ZNF71: variants seen among roughly 807,000 people sequenced by gnomAD.
ZNF71 encodes the protein endothelial zinc finger protein induced by tumor necrosis factor alpha.
A neutral mutation model predicts 6.7 loss-of-function variants in ZNF71; 3 were observed. That is an observed-to-expected ratio of 0.45 (90% CI 0.20 to 1.16). ZNF71 has a LOEUF of 1.16. Ranked by LOEUF, ZNF71 falls within the 50% of genes most tolerant of loss-of-function variation. ZNF71 has a pLI of 0.25. For synonymous variants in ZNF71, 343 were observed against 311.1 expected, an observed-to-expected ratio of 1.10 and a Z score of -1.08; for missense variants, 688 against 728.6, an observed-to-expected ratio of 0.94 and a Z score of 0.64.
chr19:56,595,643 T>C (rs2044614073), intron 1 of ZNF71, among the ~76,000 whole-genome samples: 1 of 151,812 alleles, frequency 6.6e-6, no homozygotes, highest in South Asian at 2.1e-4. Context: ...GGTAGGAAAG[T>C]TGCATGAACA....
chr19:56,616,449 C>T (rs2044791835), intron 3 of ZNF71, among the ~76,000 whole-genome samples: 1 of 152,154 alleles, frequency 6.6e-6, no homozygotes, highest in Admixed American at 6.5e-5. Flanking sequence ...ATGACTTGTG[C>T]CCAGTCTAGA....
At chr19:56,599,895 G>GTGTTAGCCAGGA (rs1305033588) in intron 1 of ZNF71, among the ~76,000 whole-genome samples, 2 of 151,340 alleles carry the variant, frequency 1.3e-5, no homozygotes, top group Non-Finnish European at 3.0e-5. Flanking sequence ...GGGTTTCACC[G>GTGTTAGCCAGGA]TGGTCTTGAT....
rs1475117239 is a variant in ZNF71 at position 56,621,416 on chromosome 19, C to G, written c.309C>G (p.Ser103Arg). The G allele has an allele frequency of 6.2e-7, 1 of 1,613,142 alleles. No individual in the cohort carries two copies. Among genetic ancestry groups the G allele is most frequent in the Admixed American group, 1.7e-5 (1 of 59,938 alleles). ...PGSEGVWEPG[S>R]WPERPRGDAG... The stretch of plus-strand genomic sequence containing the variant: ...CAGAAGGAGTGTGGGAACCAGGCAG[C>G]TGGCCAGAGAGGCCGCGGGGAGATG... The change falls in exon 4 of 4, where the codon AGC becomes AGG. Residue 103 changes from serine (S) to arginine (R), a missense_variant. Transcript: ENST00000599599.
In ZNF71 at chr19:56,595,365, T is replaced by C. The variant is rs898559594; in HGVS notation, c.-116T>C. ...CGGGGTCGCGCCCACCCTCTACCTGTGCCGGGGGCCGGAACCTGGCCCCGG... is the reference window on the plus strand; with the variant it reads ...CGGGGTCGCGCCCACCCTCTACCTGCGCCGGGGGCCGGAACCTGGCCCCGG... On this transcript the variant is annotated 5_prime_UTR_variant, in exon 1 of 4. Coordinates refer to ENST00000599599, the MANE Select transcript of ZNF71 (RefSeq NM_001370215.1). The C allele has an allele frequency of 6.5e-6, 1 of 153,050 alleles. No individual in the cohort carries two copies. Among genetic ancestry groups the C allele is most frequent in the Non-Finnish European group, 1.5e-5 (1 of 68,722 alleles). 9.5% of individuals were successfully genotyped at this position (153,050 alleles called of 1,614,324 possible).
intron 3 of ZNF71, among the ~76,000 whole-genome samples, chr19:56,616,689 G>A (rs2044794239): frequency 6.6e-6 from 1 of 152,168 alleles, no homozygotes; most frequent in African/African-American, 2.4e-5. Flanking sequence ...CAGGTCTTCA[G>A]AACACTGTGC....
In ZNF71 at chr19:56,600,155, G is replaced by T. The variant is rs555260086; in HGVS notation, c.-52-1352G>T. 2.1e-5 allele frequency among the ~76,000 whole-genome samples: 3 copies of T among 142,956 alleles called. No individual in the cohort carries two copies. In the South Asian group the frequency reaches 6.5e-4, roughly 31 times the overall value. 93.8% of individuals were successfully genotyped at this position (142,956 alleles called of 152,430 possible). ...TCTGTTGCCAGGCTGGAGTGCAGTG[G>T]TGCAATCTTGGCTCACTGCAACCCT... On this transcript the variant is annotated intron_variant, in intron 1 of 3. Coordinates refer to ENST00000599599, the MANE Select transcript of ZNF71 (RefSeq NM_001370215.1).
At chr19:56,620,237 C>G (rs1254604107) in intron 3 of ZNF71, among the ~76,000 whole-genome samples, 1 of 152,120 alleles carries the variant, frequency 6.6e-6, no homozygotes, top group Non-Finnish European at 1.5e-5. Context: ...GAGCCGGAGC[C>G]CCAGCCAGGG....
rs545497535 is a variant in ZNF71, at chr19:56,601,211, G to C, written c.-52-296G>C. ...CATACTCTGCCTGACTCCAGTCCCAGCTCTGTAATCTTGAGCAAGTGGTTT... is the reference window on the plus strand; with the variant it reads ...CATACTCTGCCTGACTCCAGTCCCACCTCTGTAATCTTGAGCAAGTGGTTT... On this transcript the variant is annotated intron_variant, in intron 1 of 3. Transcript: ENST00000599599. Among the ~76,000 whole-genome samples the C allele has an allele frequency of 2.6e-5, 4 of 152,232 alleles. No individual in the cohort carries two copies. In the East Asian group the frequency reaches 7.8e-4, roughly 30 times the overall value.
intron 1 of ZNF71, among the ~76,000 whole-genome samples, chr19:56,596,753 T>C (rs2148000909): frequency 6.6e-6 from 1 of 152,314 alleles, no homozygotes; most frequent in South Asian, 2.1e-4. Flanking sequence ...CACCCAAGGC[T>C]ACCTCAGGCA....
Position 56,603,842 on chromosome 19 carries a change from G to A in ZNF71, c.33+2251G>A, listed in dbSNP as rs926949062. Among the ~76,000 whole-genome samples the A allele has an allele frequency of 8.9e-5, 9 of 101,134 alleles. No individual in the cohort carries two copies. The highest frequency in any genetic ancestry group is 3.8e-4 in the African/African-American group (9 of 23,420). 66.3% of individuals were successfully genotyped at this position (101,134 alleles called of 152,430 possible). A position where few individuals can be genotyped will look rare whatever the true frequency, so the allele number is the denominator to read the frequency against. ...ACATTCAATTTTTAAAAAAAATTGA[G>A]CCTGTCTGGTTTCAGCGTTTTCCCT... On this transcript the variant is annotated intron_variant, in intron 2 of 3. Transcript: ENST00000599599. This position sits in a 1 kb window ranked among gnomAD's most constrained non-coding sequence, Gnocchi z 4.6.
intron 2 of ZNF71, among the ~76,000 whole-genome samples, chr19:56,608,068 G>A (rs2044723067): frequency 6.6e-6 from 1 of 150,572 alleles, no homozygotes; most frequent in Admixed American, 6.7e-5. Flanking sequence ...CCAAAGCTAT[G>A]ATCTTTATAA....
chr19:56,617,618 TC>T (rs2148017597), intron 3 of ZNF71, among the ~76,000 whole-genome samples: 1 of 152,330 alleles, frequency 6.6e-6, no homozygotes, highest in South Asian at 2.1e-4. Flanking sequence ...TTCGGATGTC[TC>T]CCATGACAGT....
chr19:56,612,737 C>T lies in ZNF71; in HGVS notation c.34-1075C>T, dbSNP rs527591569. 9.2e-5 allele frequency among the ~76,000 whole-genome samples: 14 copies of T among 152,250 alleles called. No homozygotes were observed. The East Asian group carries it at 2.5e-3, about 27-fold the overall frequency. ...CAGACTTTACCACTGTACATTTCAT[C>T]CCTGTAACCAAAAATTACCTGTACC... is the stretch of plus-strand genomic sequence containing the variant. On this transcript the variant is annotated intron_variant, in intron 2 of 3. Transcript: ENST00000599599.
chr19:56,624,154 G>A lies in ZNF71; in HGVS notation c.*1397G>A, dbSNP rs2044890124. ...TTGTTCCACACTCCCTGACACTGGT[G>A]TACACAAATAAATAATACAGAAAAA... On this transcript the variant is annotated 3_prime_UTR_variant, in exon 4 of 4. Transcript: ENST00000599599. 1.8e-5 allele frequency: 3 copies of A among 166,428 alleles called. No individual in the cohort carries two copies. Among genetic ancestry groups the A allele is most frequent in the African/African-American group, 7.2e-5 (3 of 41,408 alleles). The allele number at this position is 166,428 out of a possible 1,614,324, so 10.3% of individuals were successfully genotyped here. A position where few individuals can be genotyped will look rare whatever the true frequency, so the allele number is the denominator to read the frequency against.
chr19:56,600,029 G>T (rs1373738992), intron 1 of ZNF71, among the ~76,000 whole-genome samples: 3 of 148,910 alleles, frequency 2.0e-5, no homozygotes, highest in Admixed American at 2.0e-4. Context: ...TAGTCACCCT[G>T]TTGTGCTGTC....
chr19:56,612,663 C>T (rs2044760679), intron 2 of ZNF71, among the ~76,000 whole-genome samples: 1 of 152,106 alleles, frequency 6.6e-6, no homozygotes, highest in Admixed American at 6.5e-5. Flanking sequence ...TGAAAAACTA[C>T]ATATTGGGTA....
chr19:56,617,617 CT>C (rs1358532271), intron 3 of ZNF71, among the ~76,000 whole-genome samples: 1 of 152,218 alleles, frequency 6.6e-6, no homozygotes, highest in East Asian at 1.9e-4. Context: ...CTTCGGATGT[CT>C]CCCATGACAG....
rs1169322389 is a variant in ZNF71, at chr19:56,600,185, ATTT to A, written c.-52-1301_-52-1299del. On this transcript the variant is annotated intron_variant, in intron 1 of 3. Coordinates refer to ENST00000599599, the MANE Select transcript of ZNF71 (RefSeq NM_001370215.1). Reference sequence around the variant, plus strand: ...ATCTTGGCTCACTGCAACCCTCTGTATTTTTTTTTTTTTTTTTTTTTTTGAGAC... The same window carrying A: ...ATCTTGGCTCACTGCAACCCTCTGTATTTTTTTTTTTTTTTTTTTTGAGAC... Among the ~76,000 whole-genome samples, 11 of 24,914 alleles carry A rather than the reference ATTT, an allele frequency of 4.4e-4. 2 individuals carry two copies. Among genetic ancestry groups the A allele is most frequent in the African/African-American group, 4.0e-3 (8 of 1,998 alleles). The allele number at this position is 24,914 out of a possible 152,430, so 16.3% of individuals were successfully genotyped here. A position where few individuals can be genotyped will look rare whatever the true frequency, so the allele number is the denominator to read the frequency against.
In ZNF71 at chr19:56,595,853, TTGTGTGTGTG is replaced by T. The variant is rs60371305; in HGVS notation, c.-53+451_-53+460del. 1.2e-3 allele frequency among the ~76,000 whole-genome samples: 171 copies of T among 137,598 alleles called. 1 individual carries two copies. Among genetic ancestry groups the T allele is most frequent in the African/African-American group, 4.0e-3 (144 of 36,404 alleles). The allele number at this position is 137,598 out of a possible 152,430, so 90.3% of individuals were successfully genotyped here. On this transcript the variant is annotated intron_variant, in intron 1 of 3. Coordinates refer to ENST00000599599, the MANE Select transcript of ZNF71 (RefSeq NM_001370215.1). ...GGATATTGTGATTGTGTGTGTGTGTTTGTGTGTGTGTGTGTGTGTGTGTGTGTGTGTGTGT... is the reference window on the plus strand; with the variant it reads ...GGATATTGTGATTGTGTGTGTGTGTTTGTGTGTGTGTGTGTGTGTGTGTGT...
Sources: allele counts gnomAD v4.1 joint callset (sites outside exome capture counted in the v4.1 genomes callset), GRCh38; gene constraint gnomAD v4.1.1; non-coding constraint Gnocchi (gnomAD v3.1); transcripts MANE v1.5; gene names NCBI Gene and HGNC (gene_info 2026-07-23, HGNC 2026-07-21).